ARSG: variants seen among roughly 807,000 people sequenced by gnomAD.
The protein encoded by ARSG is ASG.
Under a neutral mutation model 50.5 loss-of-function variants are expected in ARSG, and 37 were observed. The ratio of observed to expected loss-of-function variants is 0.73; its 90% CI spans 0.56 to 0.96. ARSG has a LOEUF of 0.96. ARSG is among the 50% of genes least tolerant of loss of function. ARSG has a pLI of 0.00. For synonymous variants in ARSG, 225 were observed against 254.6 expected, an observed-to-expected ratio of 0.88 and a Z score of 1.11; for missense variants, 629 against 675.3, an observed-to-expected ratio of 0.93 and a Z score of 0.76.
At chr17:68,447,864 G>A in the ARSG span, among the ~76,000 whole-genome samples, 1 of 151,684 alleles carries the variant, frequency 6.6e-6, no homozygotes, top group Non-Finnish European at 1.5e-5. Flanking sequence ...GTGGTGGCAG[G>A]TGCTTGTAGT....
chr17:68,413,087 T>G (rs917293008), intron 11 of ARSG, among the ~76,000 whole-genome samples: 2 of 151,936 alleles, frequency 1.3e-5, no homozygotes, highest in African/African-American at 4.8e-5. Context: ...TAGCTCAGAG[T>G]AATTTGATCG....
the ARSG span, chr17:68,430,075 C>T: frequency 6.2e-7 from 1 of 1,614,068 alleles, no homozygotes; most frequent in African/African-American, 1.3e-5. Flanking sequence ...TGCATCATGT[C>T]TGACACCTGG....
chr17:68,299,572 A>G (rs1315687273), intron 1 of ARSG, among the ~76,000 whole-genome samples: 5 of 152,176 alleles, frequency 3.3e-5, no homozygotes, highest in East Asian at 1.9e-4. Flanking sequence ...GAACATTTCA[A>G]TAGAGGATAC....
At chr17:68,446,016 G>A in the ARSG span, among the ~76,000 whole-genome samples, 12 of 152,264 alleles carry the variant, frequency 7.9e-5, no homozygotes, top group South Asian at 6.2e-4. Flanking sequence ...TTATTCCAGG[G>A]AACATCAGCT....
chr17:68,408,268 T>TC (rs2081831719), intron 11 of ARSG, among the ~76,000 whole-genome samples: 1 of 82,676 alleles, frequency 1.2e-5, no homozygotes, highest in Non-Finnish European at 2.3e-5. Flanking sequence ...ATGCTATCCC[T>TC]CCCCCCTCCC....
chr17:68,410,466 A>G (rs1342995862), intron 11 of ARSG, among the ~76,000 whole-genome samples: 2 of 150,446 alleles, frequency 1.3e-5, no homozygotes, highest in African/African-American at 2.5e-5. Context: ...CATCCCAGGG[A>G]TGAAGCCCAC....
In ARSG at chr17:68,307,489, C is replaced by T. The variant is rs200804620; in HGVS notation, c.-5C>T. On this transcript the variant is annotated 5_prime_UTR_variant, in exon 2 of 12. Transcript: ENST00000621439. The stretch of plus-strand genomic sequence containing the variant: ...CCAGACAATCGGAATCCTGCCTTCA[C>T]CACCATGGGCTGGCTTTTTCTAAAG... 4 of 1,610,784 alleles carry T rather than the reference C, an allele frequency of 2.5e-6. No homozygotes were observed. Among genetic ancestry groups the T allele is most frequent in the Non-Finnish European group, 3.4e-6 (4 of 1,177,578 alleles).
intron 2 of ARSG, among the ~76,000 whole-genome samples, chr17:68,310,510 C>A: frequency 6.6e-6 from 1 of 152,184 alleles, no homozygotes; most frequent in East Asian, 1.9e-4. Context: ...TTAAAACACC[C>A]AGCTCCTTTC....
chr17:68,444,172 G>A, the ARSG span, among the ~76,000 whole-genome samples: 4 of 152,128 alleles, frequency 2.6e-5, no homozygotes, highest in Non-Finnish European at 5.9e-5. Flanking sequence ...AACAATTAGG[G>A]GTAAACACTT....
At chr17:68,280,740 T>C (rs2075668213) in intron 1 of ARSG, among the ~76,000 whole-genome samples, 1 of 152,160 alleles carries the variant, frequency 6.6e-6, no homozygotes, top group African/African-American at 2.4e-5. Context: ...AAGATTTTTA[T>C]GGATAAGACT....
intron 8 of ARSG, among the ~76,000 whole-genome samples, chr17:68,373,210 G>C (rs968980564): frequency 4.7e-5 from 7 of 148,166 alleles, no homozygotes; most frequent in African/African-American, 1.5e-4. Flanking sequence ...ACCGTGCCCG[G>C]CCATGATCAT....
At chr17:68,325,618 A>G (rs535061184) in intron 2 of ARSG, among the ~76,000 whole-genome samples, 1 of 152,170 alleles carries the variant, frequency 6.6e-6, no homozygotes, top group East Asian at 1.9e-4. Flanking sequence ...ACCCAACTCA[A>G]TCAACCTAAA....
intron 5 of ARSG, among the ~76,000 whole-genome samples, chr17:68,355,635 A>G (rs1321313017): frequency 2.0e-5 from 3 of 152,008 alleles, no homozygotes; most frequent in East Asian, 1.9e-4. Flanking sequence ...GATTACACGC[A>G]TGAGCCACTG....
intron 1 of ARSG, among the ~76,000 whole-genome samples, chr17:68,262,707 T>G (rs2075092892): frequency 1.3e-5 from 2 of 152,142 alleles, no homozygotes; most frequent in Admixed American, 1.3e-4. Context: ...AAGATGATAT[T>G]GGCTTGGATC....
chr17:68,421,589 G>T, downstream of ARSG: 1 of 731,182 alleles, frequency 1.4e-6, no homozygotes, highest in Non-Finnish European at 2.3e-6. Context: ...CGCGCCCATT[G>T]GCAACCAGGG....
intron 2 of ARSG, among the ~76,000 whole-genome samples, chr17:68,331,055 G>C (rs1005608353): frequency 1.3e-5 from 2 of 150,494 alleles, no homozygotes; most frequent in Non-Finnish European, 1.5e-5. Flanking sequence ...CATGATCTCA[G>C]CTCACTGCAA....
the ARSG span, among the ~76,000 whole-genome samples, chr17:68,435,995 G>C: frequency 6.6e-6 from 1 of 152,260 alleles, no homozygotes; most frequent in African/African-American, 2.4e-5. Flanking sequence ...CGCCCTGCAC[G>C]CATCTTTAGG....
intron 2 of ARSG, among the ~76,000 whole-genome samples, chr17:68,337,110 C>A (rs1471581418): frequency 6.6e-6 from 1 of 152,040 alleles, no homozygotes; most frequent in Non-Finnish European, 1.5e-5. Context: ...CTGATGGGTT[C>A]TCTGCTGGGA....
chr17:68,424,661 A>C, downstream of ARSG: 1 of 367,762 alleles, frequency 2.7e-6, no homozygotes, highest in South Asian at 2.0e-5. Context: ...GGATCACTTG[A>C]GGTCAGGAGT....
Sources: allele counts gnomAD v4.1 joint callset (sites outside exome capture counted in the v4.1 genomes callset), GRCh38; gene constraint gnomAD v4.1.1; transcripts MANE v1.5; gene names NCBI Gene and HGNC (gene_info 2026-07-23, HGNC 2026-07-21).